COMMD10: variants seen among roughly 807,000 people sequenced by gnomAD.
The protein encoded by COMMD10 is COMM domain containing 10.
In COMMD10, 33 loss-of-function variants were observed where a neutral mutation model predicts 28.9. The observed-to-expected ratio is 1.14, with a 90% CI of 0.87 to 1.53. COMMD10 has a LOEUF of 1.53. Among genes scored for constraint, COMMD10 ranks in the 40% most tolerant of loss-of-function variants. COMMD10 has a pLI of 0.00. For missense variants in COMMD10, 310 were observed against 233.4 expected (o/e 1.33, Z -2.14); for synonymous variants, 110 against 81.7 (o/e 1.35, Z -1.87).
At chr5:116,086,390 T>C (rs777991834) in intron 1 of COMMD10, among the ~76,000 whole-genome samples, 5 of 152,192 alleles carry the variant, frequency 3.3e-5, no homozygotes, top group Admixed American at 6.5e-5. Context: ...AGTTGATTAT[T>C]ACAGGAAAGG....
chr5:116,144,905 T>C (rs149571385), intron 5 of COMMD10, among the ~76,000 whole-genome samples: 205 of 151,814 alleles, frequency 1.4e-3, no homozygotes, highest in Middle Eastern at 3.4e-3. Flanking sequence ...CACAGATCCA[T>C]TGGGGGAGAA....
At chr5:116,132,026 G>A (rs1351157483) in intron 4 of COMMD10, among the ~76,000 whole-genome samples, 1 of 152,010 alleles carries the variant, frequency 6.6e-6, no homozygotes, top group Non-Finnish European at 1.5e-5. Context: ...GTAGTAAGGA[G>A]CTATTGGAGA....
chr5:116,171,083 C>T (rs1753312937), intron 5 of COMMD10, among the ~76,000 whole-genome samples: 1 of 152,212 alleles, frequency 6.6e-6, no homozygotes, highest in Admixed American at 6.5e-5. Context: ...GCAATCTGTC[C>T]ATCTGAGAAA....
intron 5 of COMMD10, among the ~76,000 whole-genome samples, chr5:116,283,724 T>TC (rs1489561840): frequency 6.6e-6 from 1 of 151,768 alleles, no homozygotes; most frequent in East Asian, 1.9e-4. Context: ...TCTTACTGCA[T>TC]AATGGCAGTA....
chr5:116,285,075 C>T (rs769386326), intron 5 of COMMD10, among the ~76,000 whole-genome samples: 3 of 151,820 alleles, frequency 2.0e-5, no homozygotes, highest in Non-Finnish European at 4.4e-5. Flanking sequence ...TAGTTATAGT[C>T]CTAAGGAAAG....
At chr5:116,194,208 C>G (rs951713385) in intron 5 of COMMD10, among the ~76,000 whole-genome samples, 10 of 151,766 alleles carry the variant, frequency 6.6e-5, no homozygotes, top group African/African-American at 2.2e-4. Context: ...TGCCTAAATC[C>G]CTAAAAAGAC....
intron 4 of COMMD10, among the ~76,000 whole-genome samples, chr5:116,104,889 G>C (rs1474509484): frequency 3.9e-5 from 6 of 152,172 alleles, no homozygotes; most frequent in Admixed American, 2.0e-4. Context: ...AAAGTGCTGG[G>C]ATTACAGGCG....
chr5:116,184,468 A>G (rs1000961793), intron 5 of COMMD10, among the ~76,000 whole-genome samples: 1 of 151,930 alleles, frequency 6.6e-6, no homozygotes. Context: ...TTATAGACAT[A>G]TTTTTAGTAG....
chr5:116,146,411 C>G (rs542783394), intron 5 of COMMD10, among the ~76,000 whole-genome samples: 3 of 151,864 alleles, frequency 2.0e-5, no homozygotes, highest in African/African-American at 4.8e-5. Context: ...ATTATATTAG[C>G]TTTTGAACAT....
intron 4 of COMMD10, among the ~76,000 whole-genome samples, chr5:116,116,053 G>T (rs12516100): frequency 0.073 from 11,099 of 152,078 alleles, 470 homozygotes; most frequent in Admixed American, 0.13. Context: ...GTACATGGCA[G>T]ATTTTCCATA....
chr5:116,210,779 T>A (rs1030974352), intron 5 of COMMD10, among the ~76,000 whole-genome samples: 1 of 152,252 alleles, frequency 6.6e-6, no homozygotes, highest in South Asian at 2.1e-4. Flanking sequence ...TCCAAGTGTT[T>A]ATAGTGTTAG....
chr5:116,277,476 C>T (rs1371568768), intron 5 of COMMD10, among the ~76,000 whole-genome samples: 1 of 151,736 alleles, frequency 6.6e-6, no homozygotes, highest in Non-Finnish European at 1.5e-5. Context: ...TTAAATTAAC[C>T]ACATATCTTA....
At chr5:116,255,962 T>A (rs1311317968) in intron 5 of COMMD10, 1 of 151,644 alleles carries the variant, frequency 6.6e-6, no homozygotes, top group African/African-American at 2.4e-5. Flanking sequence ...GATCCACTCT[T>A]AATTTTTCTC....
intron 5 of COMMD10, among the ~76,000 whole-genome samples, chr5:116,258,318 C>T (rs1481026474): frequency 1.3e-5 from 2 of 151,688 alleles, no homozygotes; most frequent in East Asian, 3.9e-4. Flanking sequence ...TGTTACTATC[C>T]TAGAATGCTT....
intron 5 of COMMD10, among the ~76,000 whole-genome samples, chr5:116,289,768 C>A (rs1001241429): frequency 6.6e-6 from 1 of 151,832 alleles, no homozygotes; most frequent in Admixed American, 6.6e-5. Flanking sequence ...CTACCACTTT[C>A]ATTGGAATTC....
Position 116,092,662 on chromosome 5 carries a change from G to T in COMMD10, c.361G>T (p.Val121Phe). Residue 121 changes from valine (V) to phenylalanine (F), a missense_variant, in exon 4 of 7, where the codon GTT (valine) becomes TTT (phenylalanine). By Grantham distance (50) the Val-to-Phe change is conservative (BLOSUM62 -1). Coordinates refer to ENST00000274458, the MANE Select transcript of COMMD10 (RefSeq NM_016144.4). ...NTWSSMGQET[V>F]EKFRQRILAP... ...GTGGTCTTCTATGGGTCAAGAAACA[G>T]TTGAAAAGTTCCGGCAGAGAATTCT... 1.2e-6 allele frequency: 2 copies of T among 1,609,564 alleles called. No homozygotes were observed. Among genetic ancestry groups the T allele is most frequent in the Non-Finnish European group, 1.7e-6 (2 of 1,177,850 alleles).
At position 116,093,010 on chromosome 5, in the gene COMMD10, C is replaced by T. The variant is rs1254511134; in HGVS notation, c.399+310C>T. Among the ~76,000 whole-genome samples, 2 of 152,078 alleles carry T rather than the reference C, an allele frequency of 1.3e-5. 1 individual carries two copies. The highest frequency in any genetic ancestry group is 3.9e-4 in the East Asian group (2 of 5,192). ...GAGAATATCATACATATTGCTAGCC[C>T]AGGAAAATACAGAATTCAAAATATG... On this transcript the variant is annotated intron_variant, in intron 4 of 6. Coordinates refer to ENST00000274458, the MANE Select transcript of COMMD10 (RefSeq NM_016144.4).
At chr5:116,225,545 C>T (rs1184644971) in intron 5 of COMMD10, among the ~76,000 whole-genome samples, 1 of 151,984 alleles carries the variant, frequency 6.6e-6, no homozygotes, top group East Asian at 1.9e-4. Flanking sequence ...TACACCTTTC[C>T]TCTGCTGCTT....
intron 5 of COMMD10, among the ~76,000 whole-genome samples, chr5:116,256,331 T>A (rs1750284315): frequency 1.3e-5 from 2 of 151,730 alleles, no homozygotes; most frequent in Admixed American, 1.3e-4. Flanking sequence ...TGAAGAATAT[T>A]ATTTTTCTGT....
Sources: gnomAD v4.1 joint callset for allele counts (sites outside exome capture counted in the v4.1 genomes callset) on GRCh38, gnomAD v4.1.1 for gene constraint, MANE v1.5 for transcripts, NCBI Gene and HGNC (gene_info 2026-07-23, HGNC 2026-07-21) for gene names.